The following CIROZ variants were observed in gnomAD, a reference collection of about 807,000 sequenced individuals.
The protein encoded by CIROZ is ciliated left-right organizer ZP-N domains-containing protein.
At chr1:10,962,319 T>C in the CIROZ span, among the ~76,000 whole-genome samples, 23 of 152,104 alleles carry the variant, frequency 1.5e-4, no homozygotes, top group African/African-American at 5.5e-4. Flanking sequence ...TGGTAATGCA[T>C]GCCTGTAATC....
At chr1:10,958,442 C>G in the CIROZ span, among the ~76,000 whole-genome samples, 1 of 152,230 alleles carries the variant, frequency 6.6e-6, no homozygotes, top group Non-Finnish European at 1.5e-5. Context: ...ACAGGAAGGA[C>G]CTTACAGCCT....
the CIROZ span, among the ~76,000 whole-genome samples, chr1:10,969,805 G>A: frequency 1.3e-5 from 2 of 152,150 alleles, no homozygotes; most frequent in East Asian, 1.9e-4. Context: ...GGGCGTGGAC[G>A]ACTTTAGAGA....
the CIROZ span, among the ~76,000 whole-genome samples, chr1:10,964,996 T>A: frequency 6.6e-6 from 1 of 152,120 alleles, no homozygotes; most frequent in African/African-American, 2.4e-5. Context: ...TTAGAGAAGG[T>A]AAATGACTAA....
At chr1:10,967,574 C>T in the CIROZ span, among the ~76,000 whole-genome samples, 5 of 152,296 alleles carry the variant, frequency 3.3e-5, no homozygotes, top group East Asian at 5.8e-4. Flanking sequence ...GCCCTCTAGT[C>T]AAATGTCAGC....
chr1:10,980,224 A>G, the CIROZ span, among the ~76,000 whole-genome samples: 1 of 152,234 alleles, frequency 6.6e-6, no homozygotes, highest in Non-Finnish European at 1.5e-5. Context: ...CAGTCTCCCC[A>G]GAGTGGGTTG....
chr1:10,949,501 G>A, the CIROZ span: 542 of 1,100,890 alleles, frequency 4.9e-4, 1 homozygote, highest in Middle Eastern at 3.8e-3. Context: ...TCAGAGTGGG[G>A]CTCTCTTTGG....
chr1:10,970,134 GAGGAAGGAAGGAAGGAAGGAAGAAAGGA>G, the CIROZ span: 2 of 1,414,156 alleles, frequency 1.4e-6, no homozygotes, highest in Non-Finnish European at 1.9e-6. Flanking sequence ...GGAAGGGAGG[GAGGAAGGAAGGAAGGAAGGAAGAAAGGA>G]AGGAAGGAAG....
At chr1:10,953,836 T>C in the CIROZ span, among the ~76,000 whole-genome samples, 154 of 152,318 alleles carry the variant, frequency 1.0e-3, no homozygotes, top group African/African-American at 3.6e-3. Flanking sequence ...CTCATGATAC[T>C]GTTGTTCTTC....
chr1:10,949,496 G>T, the CIROZ span: 1 of 1,080,288 alleles, frequency 9.3e-7, no homozygotes, highest in Non-Finnish European at 1.4e-6. Flanking sequence ...GGGGATCAGA[G>T]TGGGGCTCTC....
chr1:10,961,870 C>T, the CIROZ span, among the ~76,000 whole-genome samples: 1 of 152,134 alleles, frequency 6.6e-6, no homozygotes, highest in Non-Finnish European at 1.5e-5. Context: ...TCGCTTGAAC[C>T]CAGGAGGCAG....
At chr1:10,957,034 G>C in the CIROZ span, 1 of 1,551,246 alleles carries the variant, frequency 6.4e-7, no homozygotes, top group Non-Finnish European at 8.7e-7. Flanking sequence ...CGGTGGGCAA[G>C]CAGCTTCTAA....
At chr1:10,966,561 G>T in the CIROZ span, 1 of 1,405,862 alleles carries the variant, frequency 7.1e-7, no homozygotes. Flanking sequence ...TATCAGACTC[G>T]CAGATAGAAA....
chr1:10,966,597 T>C, the CIROZ span: 1 of 1,173,544 alleles, frequency 8.5e-7, no homozygotes, highest in Non-Finnish European at 1.1e-6. Flanking sequence ...GCTTCTTACC[T>C]GGAAGGGATA....
At chr1:10,954,903 G>A in the CIROZ span, 1 of 1,395,348 alleles carries the variant, frequency 7.2e-7, no homozygotes, top group Non-Finnish European at 9.7e-7. Context: ...TACCTTCCAT[G>A]TTTCTGACCA....
chr1:10,963,908 C>T, the CIROZ span, among the ~76,000 whole-genome samples: 1 of 152,148 alleles, frequency 6.6e-6, no homozygotes, highest in Admixed American at 6.5e-5. Context: ...CCCCTCCCCT[C>T]CCATCTCACT....
the CIROZ span, among the ~76,000 whole-genome samples, chr1:10,952,829 T>C: frequency 6.6e-6 from 1 of 152,208 alleles, no homozygotes; most frequent in Non-Finnish European, 1.5e-5. Context: ...GGGCATTTCT[T>C]ATCTCCCCTT....
the CIROZ span, among the ~76,000 whole-genome samples, chr1:10,981,548 G>A: frequency 3.3e-5 from 5 of 151,388 alleles, no homozygotes; most frequent in Non-Finnish European, 5.9e-5. Flanking sequence ...GGGAGGGAAG[G>A]AAGGAAGGGA....
At chr1:10,947,329 G>GCCCTGCA in the CIROZ span, among the ~76,000 whole-genome samples, 1 of 152,228 alleles carries the variant, frequency 6.6e-6, no homozygotes, top group African/African-American at 2.4e-5. Context: ...AGGAGACACT[G>GCCCTGCA]CCCTGCACTC....
chr1:10,973,822 C>T, the CIROZ span, among the ~76,000 whole-genome samples: 1 of 152,120 alleles, frequency 6.6e-6, no homozygotes, highest in African/African-American at 2.4e-5. Flanking sequence ...AGCTGTGGAT[C>T]GGAGCCTCCT....
Sources: gnomAD v4.1 joint callset for allele counts (sites outside exome capture counted in the v4.1 genomes callset) on GRCh38, gnomAD v4.1.1 for gene constraint, MANE v1.5 for transcripts, NCBI Gene and HGNC (gene_info 2026-07-23, HGNC 2026-07-21) for gene names.